The following KYAT3 variants were observed in gnomAD, a reference collection of about 807,000 sequenced individuals.
KYAT3 encodes the protein kynurenine aminotransferase 3, also known as kynurenine--oxoglutarate transaminase 3.
Under a neutral mutation model 59.0 loss-of-function variants are expected in KYAT3, and 50 were observed. The ratio of observed to expected loss-of-function variants is 0.85; its 90% CI spans 0.68 to 1.07. The LOEUF (loss-of-function observed/expected upper bound fraction) is 1.07, where lower values mean the gene tolerates loss of function less well. Ranked by LOEUF, KYAT3 falls within the 50% of genes least tolerant of loss-of-function variation. KYAT3 has a pLI of 0.00. For missense variants in KYAT3, 497 were observed against 533.3 expected (o/e 0.93, Z 0.67); for synonymous variants, 148 against 177.0 (o/e 0.84, Z 1.30).
intron 6 of KYAT3, 56 bp from the exon 7 acceptor site, chr1:88,961,562 T>A: frequency 6.8e-7 from 1 of 1,460,976 alleles, no homozygotes; most frequent in Non-Finnish European, 9.3e-7. Flanking sequence ...TTTACTGTCT[T>A]ACAAACGAAT....
At chr1:88,981,863 A>G (rs1359114173) in intron 2 of KYAT3, 12 of 671,936 alleles carry the variant, frequency 1.8e-5, no homozygotes, top group Non-Finnish European at 2.2e-5. Context: ...TTCATTGCTT[A>G]TCTATTTTCT....
intron 8 of KYAT3, among the ~76,000 whole-genome samples, chr1:88,955,704 T>C (rs1296500602): frequency 6.6e-6 from 1 of 152,210 alleles, no homozygotes; most frequent in African/African-American, 2.4e-5. Context: ...GCTCTTAAAA[T>C]GTGATCTCAC....
the KYAT3 span, among the ~76,000 whole-genome samples, chr1:88,925,291 G>A: frequency 3.2e-4 from 48 of 152,318 alleles, no homozygotes; most frequent in African/African-American, 9.6e-4. Context: ...TCGCCCATGC[G>A]TGTGCCCCTA....
intron 2 of KYAT3, among the ~76,000 whole-genome samples, chr1:88,987,805 C>A (rs1296972482): frequency 6.6e-6 from 1 of 152,158 alleles, no homozygotes; most frequent in African/African-American, 2.4e-5. Flanking sequence ...CATCTAATAC[C>A]CAGTCCACAT....
At chr1:88,988,157 A>G in intron 2 of KYAT3, 95 bp downstream of exon 2, 1 of 760,974 alleles carries the variant, frequency 1.3e-6, no homozygotes, top group Non-Finnish European at 2.2e-6. Context: ...GTTCATTTCA[A>G]TAAAGTATTT....
At chr1:88,955,246 G>C (rs769705868) in intron 8 of KYAT3, 21 bp from the exon 9 acceptor site, 2 of 1,440,714 alleles carry the variant, frequency 1.4e-6, no homozygotes, top group South Asian at 2.3e-5. Context: ...GAGGAAAAAA[G>C]GGTAAATATT....
intron 11 of KYAT3, among the ~76,000 whole-genome samples, chr1:88,946,368 G>A (rs1440894173): frequency 6.7e-6 from 1 of 150,194 alleles, no homozygotes; most frequent in Non-Finnish European, 1.5e-5. Context: ...TCACTATGTT[G>A]CCCAGGCTGG....
Position 88,964,844 on chromosome 1 carries a change from A to C in KYAT3, c.438T>G (p.Ile146Met), listed in dbSNP as rs1452132207. 6.3e-7 allele frequency: 1 copy of C among 1,593,880 alleles called. No individual in the cohort carries two copies. The highest frequency in any genetic ancestry group is 2.2e-5 in the East Asian group (1 of 44,572). The change falls in exon 5 of 14, where the codon ATT (isoleucine) becomes ATG (methionine). Residue 146 changes from isoleucine (I) to methionine (M), a missense_variant. Ile to Met is a conservative substitution (Grantham distance 10, BLOSUM62 1). Transcript: ENST00000260508. The part of the protein sequence containing the change: ...GSLFNTIQAL[I>M]DEGDEVILIV... ...ATATACTTACTTCATCTCCCTCATC[A>C]ATTAATGCTTGAATGGTGTTAAAAA... is the stretch of plus-strand genomic sequence containing the variant.
At chr1:88,973,800 C>T (rs926901542) in intron 2 of KYAT3, among the ~76,000 whole-genome samples, 3 of 152,148 alleles carry the variant, frequency 2.0e-5, no homozygotes, top group African/African-American at 7.2e-5. Flanking sequence ...AAAACTAATA[C>T]TGTATGTTGA....
Position 88,936,131 on chromosome 1 carries a change from A to C in KYAT3, c.*52T>G. The C allele has an allele frequency of 1.6e-6, 2 of 1,240,118 alleles. No homozygotes were observed. Among genetic ancestry groups the C allele is most frequent in the Non-Finnish European group, 2.3e-6 (2 of 859,926 alleles). The allele number at this position is 1,240,118 out of a possible 1,614,324, so 76.8% of individuals were successfully genotyped here. On this transcript the variant is annotated 3_prime_UTR_variant, in exon 14 of 14. Transcript: ENST00000260508. ...CATCCAGCAGGTGGCAGCACTAAGT[A>C]ACAATTCCATACTAGGTCATCTAAC... is the stretch of plus-strand genomic sequence containing the variant.
chr1:88,983,846 T>G lies in KYAT3; in HGVS notation c.99+4406A>C, dbSNP rs1570843111. The G allele has an allele frequency of 4.3e-6, 7 of 1,613,060 alleles. No individual in the cohort carries two copies. The South Asian group carries it at 6.6e-5, about 15-fold the overall frequency. ...AACCATTTTTTTTTTTGCCGGTGAG[T>G]CGGAGGGGTGACAGTGGGTTCAAGC... On this transcript the variant is annotated intron_variant, in intron 2 of 13. Transcript: ENST00000260508.
chr1:88,934,248 A>T (rs963549475), downstream of KYAT3, among the ~76,000 whole-genome samples: 1 of 152,098 alleles, frequency 6.6e-6, no homozygotes, highest in African/African-American at 2.4e-5. Flanking sequence ...TGAGGCCAGG[A>T]GTTTGAGACC....
At chr1:88,955,812 A>G (rs1174006813) in intron 8 of KYAT3, among the ~76,000 whole-genome samples, 1 of 152,098 alleles carries the variant, frequency 6.6e-6, no homozygotes, top group Non-Finnish European at 1.5e-5. Flanking sequence ...AGTGGGACCC[A>G]GTAATCATGT....
chr1:88,947,357 T>C (rs1675484649), intron 11 of KYAT3, among the ~76,000 whole-genome samples: 1 of 152,200 alleles, frequency 6.6e-6, no homozygotes, highest in Admixed American at 6.5e-5. Context: ...AGTGTGTATA[T>C]CCTGGACCAC....
At chr1:88,935,092 C>T (rs1041295404), downstream of KYAT3, among the ~76,000 whole-genome samples, 2 of 143,482 alleles carry the variant, frequency 1.4e-5, no homozygotes, top group African/African-American at 5.2e-5. Context: ...CTCCCAGGTT[C>T]GAGCAATTCT....
the KYAT3 span, among the ~76,000 whole-genome samples, chr1:88,926,266 G>A: frequency 6.6e-6 from 1 of 152,176 alleles, no homozygotes; most frequent in African/African-American, 2.4e-5. Flanking sequence ...CCTAACAGGG[G>A]ATTTAAATCT....
chr1:88,948,375 C>T (rs1201766517), intron 11 of KYAT3, among the ~76,000 whole-genome samples: 1 of 152,104 alleles, frequency 6.6e-6, no homozygotes, highest in East Asian at 1.9e-4. Context: ...TTTACTATTA[C>T]TAATTTTTTT....
intron 11 of KYAT3, 91 bp downstream of exon 11, chr1:88,949,000 G>T: frequency 9.4e-7 from 1 of 1,067,134 alleles, no homozygotes; most frequent in Non-Finnish European, 1.3e-6. Context: ...AAATGCTGCT[G>T]TGGCTTTGAC....
rs766705023 is a variant in KYAT3, at chr1:88,972,187, C to A, written c.100-2720G>T. Among the ~76,000 whole-genome samples the A allele has an allele frequency of 6.2e-4, 95 of 152,232 alleles. 3 individuals carry two copies. Among genetic ancestry groups the A allele is most frequent in the Non-Finnish European group, 3.4e-4 (23 of 68,042 alleles). On this transcript the variant is annotated intron_variant, in intron 2 of 13. Transcript: ENST00000260508. ...GATGCTGCAACTGGAGTCAGAAGAA[C>A]TCCCTCTTCCTTGAGGACCTCAGTC... is the stretch of plus-strand genomic sequence containing the variant.
Sources: allele counts gnomAD v4.1 joint callset (sites outside exome capture counted in the v4.1 genomes callset), GRCh38; gene constraint gnomAD v4.1.1; transcripts MANE v1.5; gene names NCBI Gene and HGNC (gene_info 2026-07-23, HGNC 2026-07-21).